SNAPC4: variants seen among roughly 807,000 people sequenced by gnomAD.
SNAPC4 encodes the protein snRNA-activating protein complex subunit 4.
In SNAPC4, 127 loss-of-function variants were observed where a neutral mutation model predicts 151.3. That is an observed-to-expected ratio of 0.84 (90% CI 0.73 to 0.97). SNAPC4 has a LOEUF of 0.97. Ranked by LOEUF, SNAPC4 falls within the 50% of genes least tolerant of loss-of-function variation. SNAPC4 has a pLI of 0.00. For synonymous variants in SNAPC4, 1,002 were observed against 824.4 expected (o/e 1.22, Z -3.69); for missense variants, 2,186 against 1,935.0 (o/e 1.13, Z -2.43).
At chr9:136,395,955 C>A (rs1834255604) in intron 3 of SNAPC4, among the ~76,000 whole-genome samples, 185 bp from the exon 4 acceptor site, 1 of 152,238 alleles carries the variant, frequency 6.6e-6, no homozygotes, top group African/African-American at 2.4e-5. Flanking sequence ...GGGAGTGGAG[C>A]CTGTCACTCT....
chr9:136,376,265 G>A (rs1010622132), intron 23 of SNAPC4, 84 bp downstream of exon 23: 27 of 1,522,090 alleles, frequency 1.8e-5, no homozygotes, highest in East Asian at 4.5e-5. Context: ...CCAAAGAGCC[G>A]AGCAGAGGCC....
intron 10 of SNAPC4, among the ~76,000 whole-genome samples, chr9:136,388,969 G>T (rs1833980840): frequency 6.6e-6 from 1 of 152,222 alleles, no homozygotes; most frequent in African/African-American, 2.4e-5. Flanking sequence ...CTCTCTAAAT[G>T]CAGTTGCTAG....
At chr9:136,388,341 C>T (rs550733623) in intron 11 of SNAPC4, 103 bp downstream of exon 11, 1 of 1,216,912 alleles carries the variant, frequency 8.2e-7, no homozygotes, top group Non-Finnish European at 1.2e-6. Context: ...TCTAAGCCCT[C>T]GTCTGTCTTG....
chr9:136,379,785 C>T (rs377470639), intron 21 of SNAPC4, 52 bp downstream of exon 21: 51 of 1,583,486 alleles, frequency 3.2e-5, no homozygotes, highest in Middle Eastern at 3.3e-4. Flanking sequence ...GCCTCTTCCC[C>T]GCCAGGGCCA....
At chr9:136,388,638 A>C in intron 10 of SNAPC4, 47 bp from the exon 11 acceptor site, 2 of 1,611,166 alleles carry the variant, frequency 1.2e-6, no homozygotes, top group Non-Finnish European at 1.7e-6. Context: ...GCGCGGCAGG[A>C]TGTCCAGATC....
chr9:136,380,957 C>T (rs1165109691), intron 19 of SNAPC4, 107 bp from the exon 20 acceptor site: 2 of 664,756 alleles, frequency 3.0e-6, no homozygotes, highest in Non-Finnish European at 5.4e-6. Context: ...GGGCGGCTAC[C>T]TTGAGACCTC....
In SNAPC4 at chr9:136,379,160, C is replaced by G; in HGVS notation, c.2667G>C (p.Lys889Asn). The G allele has an allele frequency of 6.3e-7, 1 of 1,587,230 alleles. No individual in the cohort carries two copies. The highest frequency in any genetic ancestry group is 8.6e-7 in the Non-Finnish European group (1 of 1,167,862). ...GAAGCAGCTCCGACACAGTCTTGGG[C>G]TTGGGCCGGGGGCCGGTTGAAGCCA... is the stretch of plus-strand genomic sequence containing the variant. Reference protein sequence around the residue: ...SLLASTGPRPKPKTVSELLQE... With the variant: ...SLLASTGPRPNPKTVSELLQE... The change falls in exon 22 of 24, where the codon AAG becomes AAC. Residue 889 changes from lysine to asparagine, a missense_variant. Transcript: ENST00000684778.
chr9:136,388,897 C>CACTCA (rs1454467742), intron 10 of SNAPC4, among the ~76,000 whole-genome samples: 1 of 152,250 alleles, frequency 6.6e-6, no homozygotes, highest in Non-Finnish European at 1.5e-5. Context: ...CACTGCAACT[C>CACTCA]ACTCAACAGA....
intron 23 of SNAPC4, among the ~76,000 whole-genome samples, 156 bp downstream of exon 23, chr9:136,376,193 C>T (rs531154890): frequency 3.2e-4 from 49 of 152,310 alleles, no homozygotes; most frequent in Admixed American, 2.5e-3. Context: ...AATGCTTCTC[C>T]CCCTGGAGGG....
intron 10 of SNAPC4, among the ~76,000 whole-genome samples, chr9:136,390,011 G>C (rs1834013774): frequency 6.6e-6 from 1 of 152,158 alleles, no homozygotes; most frequent in South Asian, 2.1e-4. Flanking sequence ...TTAATGGATG[G>C]AAGACAGTTG....
rs544912323 is a variant in SNAPC4, at chr9:136,380,406, G to A, written c.2499+334C>T. Among the ~76,000 whole-genome samples the A allele has an allele frequency of 1.8e-4, 27 of 152,328 alleles. 1 individual carries two copies. In the South Asian group the frequency reaches 5.2e-3, roughly 29 times the overall value. On this transcript the variant is annotated intron_variant, in intron 20 of 23. Coordinates refer to ENST00000684778, the MANE Select transcript of SNAPC4 (RefSeq NM_003086.4). ...CCCACCCCCAGGTGACGGGGCTCAA[G>A]GGTGAGGAGGCCTCGCTGAACTTCT...
intron 1 of SNAPC4, among the ~76,000 whole-genome samples, chr9:136,399,413 G>A (rs946626713): frequency 6.6e-6 from 1 of 152,238 alleles, no homozygotes; most frequent in Non-Finnish European, 1.5e-5. Context: ...AGGCAGAGCT[G>A]GCAGCGACCG....
chr9:136,391,681 C>A (rs745399759), intron 10 of SNAPC4, among the ~76,000 whole-genome samples: 9 of 152,220 alleles, frequency 5.9e-5, no homozygotes, highest in Non-Finnish European at 1.0e-4. Flanking sequence ...AGAAAGGAGA[C>A]AAACTCCGGT....
chr9:136,382,651 G>A (rs1833741886), intron 16 of SNAPC4, among the ~76,000 whole-genome samples: 3 of 152,228 alleles, frequency 2.0e-5, no homozygotes, highest in Admixed American at 2.0e-4. Context: ...CGAGCCCCAT[G>A]CACCTAGCTC....
At chr9:136,377,435 T>C in intron 22 of SNAPC4, 108 bp downstream of exon 22, 1 of 1,363,030 alleles carries the variant, frequency 7.3e-7, no homozygotes, top group Non-Finnish European at 9.6e-7. Flanking sequence ...GCAGCCAGCC[T>C]TCCTGCCCGC....
intron 4 of SNAPC4, 83 bp downstream of exon 4, chr9:136,395,520 G>A (rs1405208961): frequency 3.0e-5 from 47 of 1,567,454 alleles, no homozygotes; most frequent in Non-Finnish European, 3.9e-5. Flanking sequence ...GGGAGCTGGG[G>A]AGCCCTGGAC....
rs1166709862 is a variant in SNAPC4 at position 136,379,017 on chromosome 9, G to A, written c.2810C>T (p.Pro937Leu). ...GGGACCCGGGGCTGGGCGGCCGTGTGGGGTGTGTGGTAGAGGGGGCTGGAG... is the reference window on the plus strand; with the variant it reads ...GGGACCCGGGGCTGGGCGGCCGTGTAGGGTGTGTGGTAGAGGGGGCTGGAG... The part of the protein sequence containing the change: ...VILQPPLPHT[P>L]HGRPAPGPTV... The change falls in exon 22 of 24, where the codon CCA becomes CTA. Residue 937 changes from proline (P) to leucine (L), a missense_variant. By Grantham distance (98) the Pro-to-Leu change is moderately conservative. Coordinates refer to ENST00000684778, the MANE Select transcript of SNAPC4 (RefSeq NM_003086.4). 1.9e-6 allele frequency: 3 copies of A among 1,604,374 alleles called. No individual in the cohort carries two copies. Among genetic ancestry groups the A allele is most frequent in the South Asian group, 2.2e-5 (2 of 89,440 alleles).
rs754183253 is a variant in SNAPC4 at position 136,392,668 on chromosome 9, CT to C, written c.737+4del. 1.2e-6 allele frequency: 2 copies of C among 1,613,654 alleles called. No individual in the cohort carries two copies. The highest frequency in any genetic ancestry group is 3.3e-5 in the Admixed American group (2 of 60,032). On this transcript the variant is annotated splice_donor_region_variant and intron_variant, in intron 8 of 23. Coordinates refer to ENST00000684778, the MANE Select transcript of SNAPC4 (RefSeq NM_003086.4). ...CCCTGGGCCCTCCCGGGAGGCCCCC[CT>C]CACTTGATGTCCTGGATCTCCTTCT...
At position 136,382,237 on chromosome 9, in the gene SNAPC4, C is replaced by T. The variant is rs1195898019; in HGVS notation, c.2067+16G>A. ...CACGTGGTGGCGTGCGCGTGGGTGT[C>T]TGCAGCAGGCCTCACCTGTGTGCAG... is the stretch of plus-strand genomic sequence containing the variant. On this transcript the variant is annotated intron_variant, in intron 17 of 23. Transcript: ENST00000684778. 6.2e-7 allele frequency: 1 copy of T among 1,611,786 alleles called. No homozygotes were observed. Among genetic ancestry groups the T allele is most frequent in the Non-Finnish European group, 8.5e-7 (1 of 1,179,636 alleles).
Sources: allele counts gnomAD v4.1 joint callset (sites outside exome capture counted in the v4.1 genomes callset), GRCh38; gene constraint gnomAD v4.1.1; transcripts MANE v1.5; gene names NCBI Gene and HGNC (gene_info 2026-07-23, HGNC 2026-07-21).